The following PML variants were observed in gnomAD, a reference collection of about 807,000 sequenced individuals.
PML encodes the protein PML nuclear body scaffold, also known as protein PML.
In PML, 28 loss-of-function variants were observed where a neutral mutation model predicts 65.2. That is an observed-to-expected ratio of 0.43 (90% CI 0.32 to 0.59). PML has a LOEUF of 0.59. PML is among the 20% of genes least tolerant of loss of function. The pLI, the probability that PML is intolerant of heterozygous loss-of-function variation, is 0.08. For synonymous variants in PML, 500 were observed against 508.8 expected (o/e 0.98, Z 0.23); for missense variants, 1,021 against 1,203.4 (o/e 0.85, Z 2.24).
chr15:74,038,435 C>T (rs998669035), intron 7 of PML, among the ~76,000 whole-genome samples: 2 of 152,102 alleles, frequency 1.3e-5, no homozygotes, highest in African/African-American at 2.4e-5. Context: ...GGCCTAGAGA[C>T]GTGGGGAGAG....
chr15:74,011,102 C>A (rs2070313462), intron 2 of PML, among the ~76,000 whole-genome samples: 1 of 152,196 alleles, frequency 6.6e-6, no homozygotes, highest in Admixed American at 6.5e-5. Context: ...ACCTGGCTTT[C>A]TTCCAAGACT....
chr15:74,002,372 T>C (rs1033849827), intron 2 of PML, among the ~76,000 whole-genome samples: 8 of 141,152 alleles, frequency 5.7e-5, no homozygotes, highest in Non-Finnish European at 1.1e-4. Flanking sequence ...TATCCATATA[T>C]ATGTAAGTTC....
rs572526647 is a variant in PML, at chr15:74,031,370, C to T, written c.1255-1202C>T. 262 of 351,384 alleles carry T rather than the reference C, an allele frequency of 7.5e-4. 1 individual carries two copies. Among genetic ancestry groups the T allele is most frequent in the South Asian group, 6.1e-3 (256 of 41,916 alleles). 21.8% of individuals were successfully genotyped at this position (351,384 alleles called of 1,614,324 possible). A position where few individuals can be genotyped will look rare whatever the true frequency, so the allele number is the denominator to read the frequency against. ...GCTCACTGCAATGTCTGCCTCAGGGCTCAAGCGATTCTCATGCCTCAGCCT... is the reference window on the plus strand; with the variant it reads ...GCTCACTGCAATGTCTGCCTCAGGGTTCAAGCGATTCTCATGCCTCAGCCT... On this transcript the variant is annotated intron_variant, in intron 4 of 8. Transcript: ENST00000268058.
At chr15:74,030,986 C>T (rs1042066009) in intron 4 of PML, among the ~76,000 whole-genome samples, 2 of 151,932 alleles carry the variant, frequency 1.3e-5, no homozygotes, top group South Asian at 4.1e-4. Context: ...GAGATGAGGT[C>T]TTGCTATGTT....
intron 2 of PML, among the ~76,000 whole-genome samples, 184 bp downstream of exon 2, chr15:73,998,660 G>T (rs1003015450): frequency 1.3e-5 from 2 of 152,198 alleles, no homozygotes; most frequent in South Asian, 4.1e-4. Flanking sequence ...CAGTCCCCAC[G>T]CAGGTGGATA....
At chr15:74,001,771 G>A (rs188461200) in intron 2 of PML, among the ~76,000 whole-genome samples, 100 of 138,532 alleles carry the variant, frequency 7.2e-4, no homozygotes, top group Non-Finnish European at 5.7e-4. Context: ...TCTTAAAAAG[G>A]TTCTCTTGCT....
At position 74,045,535 on chromosome 15, in the gene PML, G is replaced by A. The variant is rs538226424; in HGVS notation, c.*527G>A. 2.7e-4 allele frequency: 63 copies of A among 236,258 alleles called. No homozygotes were observed. Among genetic ancestry groups the A allele is most frequent in the African/African-American group, 1.4e-3 (63 of 45,504 alleles). The allele number at this position is 236,258 out of a possible 1,614,324, so 14.6% of individuals were successfully genotyped here. On this transcript the variant is annotated 3_prime_UTR_variant, in exon 9 of 9. Coordinates refer to ENST00000268058, the MANE Select transcript of PML (RefSeq NM_033238.3). Reference sequence around the variant, plus strand: ...GTCCCCCACCCTCCACCTGCCCAGAGGCCAACTCTGTTCCCTTCTCCTTTC... The same window carrying A: ...GTCCCCCACCCTCCACCTGCCCAGAAGCCAACTCTGTTCCCTTCTCCTTTC...
At position 74,004,436 on chromosome 15, in the gene PML, G is replaced by A. The variant is rs373252954; in HGVS notation, c.602+5960G>A. Among the ~76,000 whole-genome samples, 17 of 152,170 alleles carry A rather than the reference G, an allele frequency of 1.1e-4. No individual in the cohort carries two copies. In the East Asian group the frequency reaches 1.4e-3, roughly 12 times the overall value. ...CTAGCCTTAGTCTCTGAGTAGCTAG[G>A]ACTATAGGTGCCTGCCACCATGCCT... On this transcript the variant is annotated intron_variant, in intron 2 of 8. Coordinates refer to ENST00000268058, the MANE Select transcript of PML (RefSeq NM_033238.3).
chr15:74,046,922 G>A lies in PML; in HGVS notation c.*1914G>A. On this transcript the variant is annotated 3_prime_UTR_variant, in exon 9 of 9. Coordinates refer to ENST00000268058, the MANE Select transcript of PML (RefSeq NM_033238.3). The stretch of plus-strand genomic sequence containing the variant: ...TTTGTGGGGCGTCTTTTAGGACTTA[G>A]CAGAGCTGAGAGCCCTTTGTTGCTC... 8.7e-6 allele frequency: 2 copies of A among 230,194 alleles called. No individual in the cohort carries two copies. 14.3% of individuals were successfully genotyped at this position (230,194 alleles called of 1,614,324 possible).
In PML at chr15:74,022,999, C is replaced by T. The variant is rs753196785; in HGVS notation, c.774C>T (p.His258=). Residue 258 remains histidine (H), a synonymous_variant, in exon 3 of 9, where the codon CAC becomes CAT. Coordinates refer to ENST00000268058, the MANE Select transcript of PML (RefSeq NM_033238.3). ...AGGATAGTGCCTTTGGCGCGGTTCACGCGCAGATGCACGCGGCCGTCGGCC... is the reference window on the plus strand; with the variant it reads ...AGGATAGTGCCTTTGGCGCGGTTCATGCGCAGATGCACGCGGCCGTCGGCC... ...QEQDSAFGAV[H]AQMHAAVGQL... The T allele has an allele frequency of 3.7e-6, 6 of 1,609,260 alleles. No individual in the cohort carries two copies. In the African/African-American group the frequency reaches 6.7e-5, roughly 18 times the overall value.
rs1293770824 is a variant in PML, at chr15:74,035,222, C to T, written c.1710+692C>T. 6.4e-7 allele frequency: 1 copy of T among 1,567,342 alleles called. No homozygotes were observed. The highest frequency in any genetic ancestry group is 1.7e-5 in the Admixed American group (1 of 59,936). ...AGCCACAGTCCTCGCCAGCCCACTC[C>T]TCGCCAGCCCACTCCTCGCCAGCCC... is the stretch of plus-strand genomic sequence containing the variant. On this transcript the variant is annotated intron_variant, in intron 7 of 8. Coordinates refer to ENST00000268058, the MANE Select transcript of PML (RefSeq NM_033238.3). This position sits in a 1 kb window ranked among gnomAD's most constrained non-coding sequence, Gnocchi z 4.1.
chr15:74,038,222 G>A (rs897248921), intron 7 of PML, among the ~76,000 whole-genome samples: 2 of 152,184 alleles, frequency 1.3e-5, no homozygotes, highest in Non-Finnish European at 2.9e-5. Flanking sequence ...TGGAGAACAG[G>A]TTTGGAGTGC....
chr15:74,037,499 A>C lies in PML; in HGVS notation c.1710+2969A>C. On this transcript the variant is annotated intron_variant, in intron 7 of 8. Coordinates refer to ENST00000268058, the MANE Select transcript of PML (RefSeq NM_033238.3). The surrounding 1 kb of genome is among the most constrained non-coding windows in gnomAD (Gnocchi z 4.2). ...GAATGAGGTCTTTCTCATCTCAGAA[A>C]ACTCCACCCACTTCTCTCTCCAGCT... 1.0e-6 allele frequency: 1 copy of C among 984,936 alleles called. No homozygotes were observed. The highest frequency in any genetic ancestry group is 5.2e-4 in the Middle Eastern group (1 of 1,914). 61.0% of individuals were successfully genotyped at this position (984,936 alleles called of 1,614,324 possible). A position where few individuals can be genotyped will look rare whatever the true frequency, so the allele number is the denominator to read the frequency against.
At position 74,047,169 on chromosome 15, in the gene PML, C is replaced by T; in HGVS notation, c.*2161C>T. On this transcript the variant is annotated 3_prime_UTR_variant, in exon 9 of 9. Transcript: ENST00000268058. ...CTAATCCTGTACTTCTCTCTGTGTT[C>T]CTTGAGTGACAGGTGGTAAAACCCT... The T allele has an allele frequency of 2.2e-5, 5 of 231,206 alleles. No individual in the cohort carries two copies. The highest frequency in any genetic ancestry group is 4.3e-5 in the Non-Finnish European group (5 of 116,762). The allele number at this position is 231,206 out of a possible 1,614,324, so 14.3% of individuals were successfully genotyped here.
chr15:74,005,928 C>T (rs190891074), intron 2 of PML, among the ~76,000 whole-genome samples: 139 of 152,064 alleles, frequency 9.1e-4, no homozygotes, highest in Non-Finnish European at 1.7e-3. Context: ...GGAACAGGGC[C>T]GCTCCCCACG....
intron 4 of PML, among the ~76,000 whole-genome samples, chr15:74,030,537 T>A (rs1458715513): frequency 6.6e-6 from 1 of 152,152 alleles, no homozygotes; most frequent in Non-Finnish European, 1.5e-5. Flanking sequence ...TAATCCTAGC[T>A]ACTTAGGAGG....
At chr15:74,022,736 C>G (rs1055867547) in intron 2 of PML, 92 bp from the exon 3 acceptor site, 5 of 1,007,082 alleles carry the variant, frequency 5.0e-6, no homozygotes, top group Non-Finnish European at 7.7e-6. Flanking sequence ...GATTCAAAGT[C>G]TGGTATTTTT....
chr15:74,028,280 G>C (rs967938677), intron 4 of PML: 1 of 151,934 alleles, frequency 6.6e-6, no homozygotes, highest in Non-Finnish European at 1.5e-5. Context: ...TTTTATTAAC[G>C]TGGATGGAGG....
Position 74,042,270 on chromosome 15 carries a change from G to A in PML, c.1711-719G>A. 4 of 736,528 alleles carry A rather than the reference G, an allele frequency of 5.4e-6. No homozygotes were observed. Among genetic ancestry groups the A allele is most frequent in the Non-Finnish European group, 6.6e-6 (4 of 602,526 alleles). The allele number at this position is 736,528 out of a possible 1,614,324, so 45.6% of individuals were successfully genotyped here. A position where few individuals can be genotyped will look rare whatever the true frequency, so the allele number is the denominator to read the frequency against. ...CAGGTTTCTCTAAGCTGCTGGGGCAGATGCCAAGAGCCTCCACTGCTCTCT... is the reference window on the plus strand; with the variant it reads ...CAGGTTTCTCTAAGCTGCTGGGGCAAATGCCAAGAGCCTCCACTGCTCTCT... On this transcript the variant is annotated intron_variant, in intron 7 of 8. Coordinates refer to ENST00000268058, the MANE Select transcript of PML (RefSeq NM_033238.3). This position sits in a 1 kb window ranked among gnomAD's most constrained non-coding sequence, Gnocchi z 5.3.
Sources: allele counts gnomAD v4.1 joint callset (sites outside exome capture counted in the v4.1 genomes callset), GRCh38; gene constraint gnomAD v4.1.1; non-coding constraint Gnocchi (gnomAD v3.1); transcripts MANE v1.5; gene names NCBI Gene and HGNC (gene_info 2026-07-23, HGNC 2026-07-21).